Variants in DNAH6 observed in about 807,000 individuals in gnomAD.
DNAH6 encodes dynein axonemal heavy chain 6.
A neutral mutation model predicts 491.4 loss-of-function variants in DNAH6; 340 were observed. The ratio of observed to expected loss-of-function variants is 0.69; its 90% CI spans 0.63 to 0.76. The LOEUF is 0.76. DNAH6 is among the 30% of genes least tolerant of loss of function. The pLI is 0.00. For synonymous variants in DNAH6, 1,603 were observed against 1,686.1 expected (o/e 0.95, Z 1.21); for missense variants, 4,443 against 4,972.2 (o/e 0.89, Z 3.20).
the DNAH6 span, among the ~76,000 whole-genome samples, chr2:84,488,524 A>G: frequency 2.6e-5 from 4 of 152,292 alleles, no homozygotes; most frequent in East Asian, 5.8e-4. Flanking sequence ...TCCAATTTCT[A>G]GAGGCCACCC....
intron 21 of DNAH6, among the ~76,000 whole-genome samples, chr2:84,607,763 G>A (rs1225050740): frequency 6.6e-6 from 1 of 152,136 alleles, no homozygotes; most frequent in African/African-American, 2.4e-5. Context: ...TCTTTTGGCT[G>A]GTGGAAGATC....
chr2:84,718,213 G>T lies in DNAH6; in HGVS notation c.9621G>T (p.Val3207=). ...GLEDQLLSDV[V]RLEKPRLEEQ... is the part of the protein sequence containing the mutation. Reference sequence around the variant, plus strand: ...TGAACTTTGGTTTTAGTGATGTGGTGCGACTTGAAAAACCCAGGTTGGAAG... The same window carrying T: ...TGAACTTTGGTTTTAGTGATGTGGTTCGACTTGAAAAACCCAGGTTGGAAG... Residue 3207 remains valine, a synonymous_variant, in exon 59 of 77, where the codon GTG becomes GTT. Coordinates refer to ENST00000389394, the MANE Select transcript of DNAH6 (RefSeq NM_001370.2). The T allele has an allele frequency of 3.9e-6, 6 of 1,531,274 alleles. No homozygotes were observed. Among genetic ancestry groups the T allele is most frequent in the Non-Finnish European group, 5.3e-6 (6 of 1,138,694 alleles). 94.9% of individuals were successfully genotyped at this position (1,531,274 alleles called of 1,614,324 possible).
intron 61 of DNAH6, among the ~76,000 whole-genome samples, chr2:84,731,256 A>G (rs975188903): frequency 2.6e-5 from 4 of 152,174 alleles, no homozygotes; most frequent in African/African-American, 7.2e-5. Context: ...TTAAAGGGCC[A>G]TATTCCTGGA....
intron 11 of DNAH6, among the ~76,000 whole-genome samples, chr2:84,569,496 G>T (rs539134417): frequency 6.6e-6 from 1 of 152,018 alleles, no homozygotes; most frequent in East Asian, 1.9e-4. Context: ...CAACAAAATG[G>T]AGAGCAAAAC....
chr2:84,812,135 A>AC (rs1680046015), intron 72 of DNAH6, among the ~76,000 whole-genome samples: 1 of 152,054 alleles, frequency 6.6e-6, no homozygotes, highest in Non-Finnish European at 1.5e-5. Flanking sequence ...TTCAACTGCC[A>AC]CCCTCAAGTG....
chr2:84,750,750 A>T (rs1673395598), intron 63 of DNAH6: 2 of 152,170 alleles, frequency 1.3e-5, no homozygotes, highest in Admixed American at 6.5e-5. Context: ...ACATCCTTGA[A>T]CACCTAAACT....
intron 37 of DNAH6, among the ~76,000 whole-genome samples, chr2:84,661,159 T>A (rs1052048899): frequency 2.0e-5 from 3 of 152,158 alleles, no homozygotes; most frequent in Non-Finnish European, 1.5e-5. Flanking sequence ...GCCTATTTAT[T>A]GTTCCTTTTG....
intron 61 of DNAH6, among the ~76,000 whole-genome samples, chr2:84,730,767 T>C (rs1345834089): frequency 3.9e-5 from 6 of 152,222 alleles, no homozygotes; most frequent in African/African-American, 1.2e-4. Flanking sequence ...ATGAAATCTA[T>C]TTCCTGGAAA....
intron 29 of DNAH6, among the ~76,000 whole-genome samples, chr2:84,633,652 T>G (rs1228675736): frequency 1.3e-5 from 2 of 152,090 alleles, no homozygotes; most frequent in Non-Finnish European, 2.9e-5. Context: ...CAATTCTCCC[T>G]TCTCAGTTGA....
At chr2:84,682,826 G>A (rs757146780) in intron 42 of DNAH6, among the ~76,000 whole-genome samples, 1 of 152,100 alleles carries the variant, frequency 6.6e-6, no homozygotes, top group Non-Finnish European at 1.5e-5. Context: ...CGTTTACCCT[G>A]TTCAAAGAGA....
rs557927220 is a variant in DNAH6, at chr2:84,708,775, C to A, written c.9049-568C>A. Among the ~76,000 whole-genome samples, 566 of 152,280 alleles carry A rather than the reference C, an allele frequency of 3.7e-3. 1 individual carries two copies. The highest frequency in any genetic ancestry group is 0.012 in the African/African-American group (515 of 41,544). ...TGAAATGTCTTCCTAAAAATGTTTA[C>A]CCTTGTCCTTCAGTTATAAAACCTG... is the stretch of plus-strand genomic sequence containing the variant. On this transcript the variant is annotated intron_variant, in intron 54 of 76. Coordinates refer to ENST00000389394, the MANE Select transcript of DNAH6 (RefSeq NM_001370.2).
intron 64 of DNAH6, among the ~76,000 whole-genome samples, chr2:84,767,911 T>TC (rs1377080329): frequency 6.6e-5 from 10 of 152,274 alleles, no homozygotes; most frequent in Admixed American, 3.3e-4. Flanking sequence ...CAGATTAATT[T>TC]CAAAGATGCA....
intron 4 of DNAH6, among the ~76,000 whole-genome samples, chr2:84,530,024 T>C (rs781004338): frequency 1.3e-5 from 2 of 152,152 alleles, no homozygotes; most frequent in Non-Finnish European, 2.9e-5. Context: ...CAATAACTTG[T>C]AGGAAGGACA....
At chr2:84,654,621 CAT>C in intron 34 of DNAH6, 37 bp from the exon 35 acceptor site, 1 of 1,547,844 alleles carries the variant, frequency 6.5e-7, no homozygotes. Context: ...AAGGAAGTAT[CAT>C]ATTAGCTGTT....
intron 51 of DNAH6, 114 bp from the exon 52 acceptor site, chr2:84,705,372 G>A: frequency 9.4e-7 from 1 of 1,064,258 alleles, no homozygotes; most frequent in Non-Finnish European, 1.3e-6. Flanking sequence ...ATAGTACCAA[G>A]ATTAAAATTA....
At chr2:84,654,022 A>T in intron 34 of DNAH6, 148 bp downstream of exon 34, 1 of 660,840 alleles carries the variant, frequency 1.5e-6, no homozygotes. Flanking sequence ...TCCTTTTGTA[A>T]TAGATTGACA....
intron 5 of DNAH6, 89 bp downstream of exon 5, chr2:84,544,589 A>C (rs1365786436): frequency 5.4e-6 from 4 of 744,866 alleles, no homozygotes; most frequent in African/African-American, 5.2e-5. Context: ...ACTGTTCTTG[A>C]AATCAAATAT....
rs1687218038 is a variant in DNAH6 at position 84,619,682 on chromosome 2, C to T, written c.3573-3C>T. On this transcript the variant is annotated splice_region_variant and splice_polypyrimidine_tract_variant and intron_variant, in intron 23 of 76. Coordinates refer to ENST00000389394, the MANE Select transcript of DNAH6 (RefSeq NM_001370.2). The stretch of plus-strand genomic sequence containing the variant: ...TATATTTTAAGGATGTTCTTTAATC[C>T]AGGTTTTACTTCTTGTCAAATGATG... The T allele has an allele frequency of 1.9e-6, 3 of 1,550,120 alleles. No individual in the cohort carries two copies. The African/African-American group carries it at 4.1e-5, about 21-fold the overall frequency.
chr2:84,587,852 C>A (rs1156496131), intron 15 of DNAH6, among the ~76,000 whole-genome samples: 1 of 152,188 alleles, frequency 6.6e-6, no homozygotes, highest in East Asian at 1.9e-4. Flanking sequence ...ACCTTTTGGG[C>A]CATAGCAGCG....
Sources: allele counts gnomAD v4.1 joint callset (sites outside exome capture counted in the v4.1 genomes callset), GRCh38; gene constraint gnomAD v4.1.1; transcripts MANE v1.5; gene names NCBI Gene and HGNC (gene_info 2026-07-23, HGNC 2026-07-21).